DPEP1: variants seen among roughly 807,000 people sequenced by gnomAD.
DPEP1 encodes beta-lactamase.
DPEP1 carries 50 observed loss-of-function variants against 42.3 expected under a neutral mutation model. The observed-to-expected ratio is 1.18, with a 90% confidence interval of 0.94 to 1.50. DPEP1 has a LOEUF of 1.50. DPEP1 is among the 40% of genes most tolerant of loss of function. The pLI is 0.00. For synonymous variants in DPEP1, 297 were observed against 234.0 expected, an observed-to-expected ratio of 1.27 and a Z score of -2.46; for missense variants, 663 against 553.0, an observed-to-expected ratio of 1.20 and a Z score of -1.99.
chr16:89,630,180 G>A (rs1051417221), intron 1 of DPEP1, 125 bp from the exon 2 acceptor site: 10 of 385,208 alleles, frequency 2.6e-5, no homozygotes, highest in Admixed American at 9.2e-5. Context: ...TTGAGTGTCC[G>A]GCCTTCCATC....
downstream of DPEP1, chr16:89,640,660 C>T (rs543914587): frequency 2.1e-4 from 205 of 984,846 alleles, no homozygotes; most frequent in South Asian, 4.5e-3. Flanking sequence ...CCCAGCCTGG[C>T]GTTTTCCGTC....
At chr16:89,631,178 G>A (rs1032944679) in intron 2 of DPEP1, among the ~76,000 whole-genome samples, 26 of 152,144 alleles carry the variant, frequency 1.7e-4, no homozygotes, top group Non-Finnish European at 2.9e-4. Flanking sequence ...GCCTTCTCCC[G>A]GGGGGAGGCC....
chr16:89,635,774 G>C, intron 2 of DPEP1, 134 bp from the exon 3 acceptor site: 1 of 1,247,004 alleles, frequency 8.0e-7, no homozygotes, highest in South Asian at 1.7e-5. Flanking sequence ...TGTCACCCCC[G>C]CGGCCTAGAC....
chr16:89,633,133 C>T (rs2059611489), intron 2 of DPEP1, among the ~76,000 whole-genome samples: 1 of 152,178 alleles, frequency 6.6e-6, no homozygotes, highest in Non-Finnish European at 1.5e-5. Context: ...CAGGACAGTG[C>T]CCAGTGTAGG....
Position 89,630,420 on chromosome 16 carries a change from G to T in DPEP1, c.10G>T (p.Gly4Ter), listed in dbSNP as rs150374214. MWS[G>*]WWLWPLVAVC... The stretch of plus-strand genomic sequence containing the variant: ...CCCCGGGGACCCCACCATGTGGAGC[G>T]GATGGTGGCTGTGGCCCCTTGTGGC... Residue 4 changes from glycine (G) to a stop codon, truncating the protein, a stop_gained, in exon 2 of 11, where the codon GGA (glycine) becomes TGA (stop). Transcript: ENST00000690203. LOFTEE classifies it high-confidence loss of function. The T allele has an allele frequency of 1.2e-6, 2 of 1,610,492 alleles. No individual in the cohort carries two copies. The highest frequency in any genetic ancestry group is 2.2e-5 in the East Asian group (1 of 44,716).
intron 1 of DPEP1, among the ~76,000 whole-genome samples, chr16:89,616,290 G>A (rs1174157708): frequency 6.6e-6 from 1 of 152,100 alleles, no homozygotes; most frequent in Non-Finnish European, 1.5e-5. Context: ...CTGTGCCCTG[G>A]AAGGACACAG....
chr16:89,633,317 G>C (rs575521115), intron 2 of DPEP1, among the ~76,000 whole-genome samples: 1 of 152,244 alleles, frequency 6.6e-6, no homozygotes, highest in African/African-American at 2.4e-5. Context: ...GCTGACGCAG[G>C]AGCTTTGGGA....
chr16:89,613,831 G>A (rs931579747), intron 1 of DPEP1, 112 bp downstream of exon 1: 7 of 163,210 alleles, frequency 4.3e-5, no homozygotes, highest in East Asian at 1.4e-4. Context: ...CCAGGCGTGC[G>A]GGGCAGGGGA....
chr16:89,620,645 G>A (rs893238011), intron 1 of DPEP1: 29 of 152,320 alleles, frequency 1.9e-4, no homozygotes, highest in African/African-American at 6.0e-4. Context: ...GGAGAGCTCC[G>A]TGGGTGGCAG....
At chr16:89,622,390 C>A (rs982496398) in intron 1 of DPEP1, among the ~76,000 whole-genome samples, 7 of 152,150 alleles carry the variant, frequency 4.6e-5, no homozygotes, top group Admixed American at 2.0e-4. Flanking sequence ...TTTCCCACCG[C>A]AACTCTGCCG....
chr16:89,638,063 C>T lies in DPEP1; in HGVS notation c.1077C>T (p.Leu359=). The T allele has an allele frequency of 6.2e-7, 1 of 1,612,256 alleles. No homozygotes were observed. Among genetic ancestry groups the T allele is most frequent in the Non-Finnish European group, 8.5e-7 (1 of 1,179,802 alleles). The change falls in exon 11 of 11, where the codon CTC becomes CTT. Residue 359 remains leucine, a synonymous_variant. Transcript: ENST00000690203. ...VFEAVEQASN[L]TQAPEEEPIP... is the part of the protein sequence containing the mutation. ...CTGTCTGTCCCCAGGCCAGCAACCT[C>T]ACACAGGCTCCCGAGGAGGAGCCCA...
At chr16:89,628,215 C>T (rs1407676723) in intron 1 of DPEP1, among the ~76,000 whole-genome samples, 2 of 151,522 alleles carry the variant, frequency 1.3e-5, no homozygotes, top group African/African-American at 4.9e-5. Context: ...AGCCACCACA[C>T]CCGGCCACAA....
chr16:89,630,099 C>T (rs989236299), intron 1 of DPEP1, among the ~76,000 whole-genome samples: 9 of 152,176 alleles, frequency 5.9e-5, no homozygotes, highest in Middle Eastern at 3.2e-3. Flanking sequence ...TGGGCTCTAG[C>T]TCCACCCCTG....
chr16:89,624,519 CA>C (rs748312530), intron 1 of DPEP1, among the ~76,000 whole-genome samples: 158 of 148,890 alleles, frequency 1.1e-3, no homozygotes, highest in Middle Eastern at 3.5e-3. Flanking sequence ...GGCGCTGTTA[CA>C]TAGTTTTCTG....
chr16:89,634,555 CT>C (rs148033602), intron 2 of DPEP1, among the ~76,000 whole-genome samples: 728 of 19,780 alleles, frequency 0.037, 56 homozygotes, highest in East Asian at 0.24. Flanking sequence ...CCCCTTCCTT[CT>C]CCTTTCCCTT....
At chr16:89,641,218 T>C (rs936953432), downstream of DPEP1, among the ~76,000 whole-genome samples, 4 of 88,960 alleles carry the variant, frequency 4.5e-5, no homozygotes, top group Admixed American at 2.2e-4. Context: ...TCCGGAGGGC[T>C]GCGGGGGGGG....
At chr16:89,614,565 T>C (rs538090539) in intron 1 of DPEP1, among the ~76,000 whole-genome samples, 52 of 151,940 alleles carry the variant, frequency 3.4e-4, no homozygotes, top group East Asian at 2.1e-3. Context: ...GAGGCCGAGG[T>C]GGGCAGATCA....
At position 89,630,498 on chromosome 16, in the gene DPEP1, T is replaced by C; in HGVS notation, c.88T>C (p.Ser30Pro). The change falls in exon 2 of 11, where the codon TCC becomes CCC. Residue 30 changes from serine to proline, a missense_variant. Coordinates refer to ENST00000690203, the MANE Select transcript of DPEP1 (RefSeq NM_001389466.1). ...RDEAERIMRD[S>P]PVIDGHNDLP... ...CGAGGCAGAGAGGATCATGAGGGAC[T>C]CCCCTGTCATTGATGGGTGAGTGCT... 1 of 1,583,024 alleles carries C rather than the reference T, an allele frequency of 6.3e-7. No homozygotes were observed. The highest frequency in any genetic ancestry group is 8.6e-7 in the Non-Finnish European group (1 of 1,166,430).
At chr16:89,617,831 C>T (rs549949326) in intron 1 of DPEP1, among the ~76,000 whole-genome samples, 2 of 126,918 alleles carry the variant, frequency 1.6e-5, no homozygotes, top group African/African-American at 2.9e-5. Flanking sequence ...TGAGACTAGC[C>T]TGGCCAACAT....
Sources: gnomAD v4.1 joint callset for allele counts (sites outside exome capture counted in the v4.1 genomes callset) on GRCh38, gnomAD v4.1.1 for gene constraint, MANE v1.5 for transcripts, NCBI Gene and HGNC (gene_info 2026-07-23, HGNC 2026-07-21) for gene names.